The following GDA variants were observed in gnomAD, a reference collection of about 807,000 sequenced individuals.
GDA encodes guanine deaminase.
Under a neutral mutation model 59.6 loss-of-function variants are expected in GDA, and 18 were observed. That is an observed-to-expected ratio of 0.30 (90% CI 0.21 to 0.45). The LOEUF (loss-of-function observed/expected upper bound fraction) is 0.45. GDA is among the 20% of genes least tolerant of loss of function. The pLI is 1.00. For missense variants in GDA, 427 were observed against 552.3 expected, an observed-to-expected ratio of 0.77 and a Z score of 2.27; for synonymous variants, 201 against 201.1, an observed-to-expected ratio of 1.00 and a Z score of 0.00.
At chr9:72,151,982 A>C (rs1407558762) in intron 1 of GDA, among the ~76,000 whole-genome samples, 2 of 152,194 alleles carry the variant, frequency 1.3e-5, no homozygotes, top group Non-Finnish European at 2.9e-5. Flanking sequence ...GGTGCTTGAT[A>C]ATATGCTGAT....
intron 5 of GDA, among the ~76,000 whole-genome samples, chr9:72,216,310 T>C (rs1836103543): frequency 1.3e-5 from 2 of 152,266 alleles, no homozygotes; most frequent in South Asian, 4.1e-4. Context: ...TATCTCAGGG[T>C]GGTTGCATTT....
intron 2 of GDA, 91 bp downstream of exon 2, chr9:72,195,679 A>G (rs1319473200): frequency 4.5e-6 from 2 of 445,366 alleles, no homozygotes; most frequent in East Asian, 7.5e-5. Context: ...ACTTTAAAAA[A>G]TAATATTAAT....
chr9:72,185,880 C>G (rs1202469145), intron 1 of GDA, among the ~76,000 whole-genome samples: 1 of 152,154 alleles, frequency 6.6e-6, no homozygotes, highest in Non-Finnish European at 1.5e-5. Context: ...GTCCCAGTTT[C>G]AAGTAAGAAA....
chr9:72,186,433 C>G (rs1042348785), intron 1 of GDA, among the ~76,000 whole-genome samples: 4 of 152,124 alleles, frequency 2.6e-5, no homozygotes, highest in Admixed American at 2.0e-4. Context: ...TTCACTCTCT[C>G]CTTTTATGCA....
intron 2 of GDA, among the ~76,000 whole-genome samples, chr9:72,200,188 G>C (rs563592665): frequency 6.6e-6 from 1 of 151,910 alleles, no homozygotes; most frequent in African/African-American, 2.4e-5. Context: ...AGTAGAGATG[G>C]GGTTTCACCG....
intron 2 of GDA, among the ~76,000 whole-genome samples, chr9:72,198,043 G>A (rs1587601101): frequency 1.3e-5 from 2 of 152,244 alleles, no homozygotes; most frequent in East Asian, 3.9e-4. Context: ...AGCAGCGGGG[G>A]AGGGGCAAAA....
rs1840435654 is a variant in GDA, at chr9:72,249,017, T to C, written c.*675T>C. 1 of 985,524 alleles carries C rather than the reference T, an allele frequency of 1.0e-6. No individual in the cohort carries two copies. The highest frequency in any genetic ancestry group is 1.2e-6 in the Non-Finnish European group (1 of 829,616). 61.0% of individuals were successfully genotyped at this position (985,524 alleles called of 1,614,324 possible). The stretch of plus-strand genomic sequence containing the variant: ...TGCCACATGCTTTCATAATATAGTT[T>C]TGTGCTTCAAAGTGTTTGACAGAAG... On this transcript the variant is annotated 3_prime_UTR_variant, in exon 14 of 14. Coordinates refer to ENST00000358399, the MANE Select transcript of GDA (RefSeq NM_004293.5).
At chr9:72,255,049 C>T (rs1564233461), downstream of GDA, among the ~76,000 whole-genome samples, 2 of 152,210 alleles carry the variant, frequency 1.3e-5, no homozygotes, top group South Asian at 2.1e-4. Context: ...GGAGCTTTGC[C>T]CAGGAAGGTT....
intron 6 of GDA, among the ~76,000 whole-genome samples, chr9:72,220,663 G>A (rs1386467442): frequency 6.6e-6 from 1 of 152,036 alleles, no homozygotes; most frequent in East Asian, 1.9e-4. Flanking sequence ...CAGGGACAGG[G>A]CTTGATGGGC....
At chr9:72,149,404 T>C, upstream of GDA, 1 of 762,198 alleles carries the variant, frequency 1.3e-6, no homozygotes, top group Non-Finnish European at 2.0e-6. Context: ...GGGCGCGGCC[T>C]GCAGGGTACC....
At chr9:72,241,327 C>T (rs1839587094) in intron 11 of GDA, 29 bp downstream of exon 11, 1 of 1,534,414 alleles carries the variant, frequency 6.5e-7, no homozygotes, top group Admixed American at 1.7e-5. Context: ...TTCTCTCACA[C>T]AATATACAAC....
intron 1 of GDA, among the ~76,000 whole-genome samples, chr9:72,154,425 C>T (rs1240539803): frequency 1.3e-5 from 2 of 152,198 alleles, no homozygotes; most frequent in African/African-American, 2.4e-5. Context: ...AATCCTTAAC[C>T]TCTTGCTCAC....
At chr9:72,186,370 C>A (rs1451439565) in intron 1 of GDA, among the ~76,000 whole-genome samples, 1 of 152,126 alleles carries the variant, frequency 6.6e-6, no homozygotes, top group Non-Finnish European at 1.5e-5. Context: ...ATTTTGGGGT[C>A]CTTGCTAGAT....
intron 1 of GDA, among the ~76,000 whole-genome samples, chr9:72,117,650 A>G (rs541521022): frequency 6.6e-6 from 1 of 152,344 alleles, no homozygotes; most frequent in South Asian, 2.1e-4. Flanking sequence ...AATCTTTCCC[A>G]GAGGACATCC....
chr9:72,245,074 G>T, intron 11 of GDA, 74 bp from the exon 12 acceptor site: 2 of 1,436,554 alleles, frequency 1.4e-6, no homozygotes, highest in Non-Finnish European at 9.5e-7. Context: ...GGCAAAATCT[G>T]TCCTTACAAA....
In GDA at chr9:72,223,173, G is replaced by C; in HGVS notation, c.660G>C (p.Glu220Asp). ...CACGTTTTTCCCTCTCCTGCTCTGAGACTTTGATGGGTGAACTGGGCAACA... is the reference window on the plus strand; with the variant it reads ...CACGTTTTTCCCTCTCCTGCTCTGACACTTTGATGGGTGAACTGGGCAACA... ...VTPRFSLSCS[E>D]TLMGELGNIA... is the part of the protein sequence containing the mutation. The change falls in exon 7 of 14, where the codon GAG (glutamate) becomes GAC (aspartate). Residue 220 changes from glutamate to aspartate, a missense_variant. Physicochemically the swap from Glu to Asp is conservative, Grantham distance 45. Transcript: ENST00000358399. The C allele has an allele frequency of 6.2e-7, 1 of 1,613,436 alleles. No individual in the cohort carries two copies. Among genetic ancestry groups the C allele is most frequent in the East Asian group, 2.2e-5 (1 of 44,856 alleles).
chr9:72,249,335 C>T lies in GDA; in HGVS notation c.*993C>T, dbSNP rs926677028. On this transcript the variant is annotated 3_prime_UTR_variant, in exon 14 of 14. Transcript: ENST00000358399. ...TTGTAGTTTCTGGAAATTCCATACTCAGATATCAGTCTGCTAGAACTTTAA... is the reference window on the plus strand; with the variant it reads ...TTGTAGTTTCTGGAAATTCCATACTTAGATATCAGTCTGCTAGAACTTTAA... 8 of 977,556 alleles carry T rather than the reference C, an allele frequency of 8.2e-6. No individual in the cohort carries two copies. The highest frequency in any genetic ancestry group is 9.7e-6 in the Non-Finnish European group (8 of 822,910). The allele number at this position is 977,556 out of a possible 1,614,324, so 60.6% of individuals were successfully genotyped here. A position where few individuals can be genotyped will look rare whatever the true frequency, so the allele number is the denominator to read the frequency against.
chr9:72,256,499 T>C (rs1463598017), downstream of GDA, among the ~76,000 whole-genome samples: 2 of 152,172 alleles, frequency 1.3e-5, no homozygotes, highest in Non-Finnish European at 2.9e-5. Flanking sequence ...AGAGAATACA[T>C]AGGGCTAAGT....
intron 2 of GDA, 52 bp from the exon 3 acceptor site, chr9:72,202,519 G>T (rs1023332333): frequency 8.4e-7 from 1 of 1,192,396 alleles, no homozygotes; most frequent in Non-Finnish European, 1.2e-6. Context: ...TAAAAATATG[G>T]GAAATGACTG....
Sources: allele counts gnomAD v4.1 joint callset (sites outside exome capture counted in the v4.1 genomes callset), GRCh38; gene constraint gnomAD v4.1.1; transcripts MANE v1.5; gene names NCBI Gene and HGNC (gene_info 2026-07-23, HGNC 2026-07-21).